TRPC5: variants seen among roughly 807,000 people sequenced by gnomAD.
The protein encoded by TRPC5 is short transient receptor potential channel 5.
Under a neutral mutation model 56.5 loss-of-function variants are expected in TRPC5, and 9 were observed. The ratio of observed to expected loss-of-function variants is 0.16; its 90% confidence interval spans 0.10 to 0.28. The LOEUF is 0.28. Ranked by LOEUF, TRPC5 falls within the 10% of genes least tolerant of loss-of-function variation. The pLI is 1.00. For synonymous variants in TRPC5, 282 were observed against 278.5 expected, an observed-to-expected ratio of 1.01 and a Z score of -0.13; for missense variants, 469 against 748.9, an observed-to-expected ratio of 0.63 and a Z score of 4.36.
Position 112,077,412 on chromosome X carries a change from A to G in TRPC5, c.-22+4467T>C, listed in dbSNP as rs774166759. 4.4e-5 allele frequency among the ~76,000 whole-genome samples: 5 copies of G among 112,607 alleles called. No individual in the cohort carries two copies. The South Asian group carries it at 1.5e-3, about 33-fold the overall frequency. ...AGTAGGTAATTGTTTATTTTCAAAT[A>G]TCTTTCAGATGCTTTTTGGATAAGC... On this transcript the variant is annotated intron_variant, in intron 1 of 10. Transcript: ENST00000262839.
chrX:111,902,183 TAAGACCC>T, intron 3 of TRPC5: 1 of 1,101,063 alleles, frequency 9.1e-7, no homozygotes, highest in Non-Finnish European at 1.2e-6. Flanking sequence ...AACAGGTGAC[TAAGACCC>T]AATTTCTGCC....
At chrX:111,837,115 A>C (rs1302258277) in intron 6 of TRPC5, among the ~76,000 whole-genome samples, 1 of 112,609 alleles carries the variant, frequency 8.9e-6, no homozygotes, top group African/African-American at 3.2e-5. Context: ...CTGGTGAAGC[A>C]GTTGAGAATC....
intron 3 of TRPC5, among the ~76,000 whole-genome samples, chrX:111,859,092 C>T (rs1234286092): frequency 3.6e-5 from 4 of 111,397 alleles, no homozygotes; most frequent in East Asian, 2.8e-4. Context: ...TAGTTGTCTG[C>T]GAAATGGCCA....
chrX:111,937,840 GT>G, intron 2 of TRPC5, among the ~76,000 whole-genome samples: 1 of 106,710 alleles, frequency 9.4e-6, no homozygotes, highest in African/African-American at 3.4e-5. Context: ...CTCTTTTTTG[GT>G]TCCATATGAA....
intron 1 of TRPC5, among the ~76,000 whole-genome samples, chrX:111,973,599 T>C (rs1358700043): frequency 8.9e-6 from 1 of 111,792 alleles, no homozygotes; most frequent in African/African-American, 3.2e-5. Flanking sequence ...GTTTCCACAG[T>C]GATTCTAATC....
intron 6 of TRPC5, among the ~76,000 whole-genome samples, chrX:111,836,852 A>T (rs753061064): frequency 1.8e-5 from 2 of 112,206 alleles, no homozygotes; most frequent in South Asian, 3.7e-4. Flanking sequence ...AATCCCATTG[A>T]CAATTTTGCA....
At chrX:111,970,158 G>A (rs1051401158) in intron 1 of TRPC5, among the ~76,000 whole-genome samples, 1 of 111,361 alleles carries the variant, frequency 9.0e-6, no homozygotes, top group African/African-American at 3.3e-5. Flanking sequence ...GACTGAGAAA[G>A]GCCATTCATT....
At chrX:111,906,850 CTA>C (rs1469011261) in intron 3 of TRPC5, among the ~76,000 whole-genome samples, 1 of 111,469 alleles carries the variant, frequency 9.0e-6, no homozygotes, top group Non-Finnish European at 1.9e-5. Flanking sequence ...AGGTATGGCA[CTA>C]GAGAGTGGAG....
At chrX:111,962,905 G>C (rs1927426050) in intron 1 of TRPC5, among the ~76,000 whole-genome samples, 1 of 112,053 alleles carries the variant, frequency 8.9e-6, no homozygotes. Context: ...GAGTGATGCA[G>C]AAGATGGGTG....
rs780128419 is a variant in TRPC5, at chrX:111,776,139, TAATA to T, written c.*170_*173del. On this transcript the variant is annotated 3_prime_UTR_variant, in exon 11 of 11. Transcript: ENST00000262839. Reference sequence around the variant, plus strand: ...AAAAGGCAAATAATAATGAAAGTAATAATAAAACAAGAACAAAAATGGAGAATGT... The same window carrying T: ...AAAAGGCAAATAATAATGAAAGTAATAAACAAGAACAAAAATGGAGAATGT... 1 of 433,701 alleles carries T rather than the reference TAATA, an allele frequency of 2.3e-6. No individual in the cohort carries two copies. Among genetic ancestry groups the T allele is most frequent in the East Asian group, 3.8e-5 (1 of 26,088 alleles). 35.7% of individuals were successfully genotyped at this position (433,701 alleles called of 1,213,427 possible). A position where few individuals can be genotyped will look rare whatever the true frequency, so the allele number is the denominator to read the frequency against.
chrX:111,951,915 A>T, intron 2 of TRPC5, 128 bp downstream of exon 2: 1 of 998,534 alleles, frequency 1.0e-6, no homozygotes, highest in Non-Finnish European at 1.3e-6. Flanking sequence ...GCTACCTGAG[A>T]TCACTGGTGC....
chrX:111,931,166 G>C (rs773766303), intron 2 of TRPC5: 1 of 111,820 alleles, frequency 8.9e-6, no homozygotes, highest in Non-Finnish European at 1.9e-5. Flanking sequence ...AAAAGTCTTT[G>C]TGTATTTGTG....
intron 1 of TRPC5, among the ~76,000 whole-genome samples, chrX:112,080,297 T>C (rs767817036): frequency 2.7e-5 from 3 of 110,342 alleles, no homozygotes; most frequent in Non-Finnish European, 3.8e-5. Flanking sequence ...CAGACGAACC[T>C]GGGTGCTTTG....
At chrX:111,856,231 T>A (rs1023875660) in intron 3 of TRPC5, among the ~76,000 whole-genome samples, 1 of 110,397 alleles carries the variant, frequency 9.1e-6, no homozygotes, top group African/African-American at 3.3e-5. Context: ...AAGACGATGG[T>A]CTTTGGCCAT....
intron 3 of TRPC5, among the ~76,000 whole-genome samples, chrX:111,866,989 G>A (rs1243262522): frequency 8.9e-6 from 1 of 112,092 alleles, no homozygotes; most frequent in East Asian, 2.8e-4. Flanking sequence ...CTGTGGGAGA[G>A]GGTCATCGCA....
intron 1 of TRPC5, among the ~76,000 whole-genome samples, chrX:112,057,314 CG>C (rs1312368006): frequency 3.2e-5 from 3 of 94,560 alleles, no homozygotes; most frequent in Non-Finnish European, 3.9e-5. Flanking sequence ...CTATGTGACC[CG>C]GGAAAAATGA....
chrX:111,929,133 G>A (rs890231624), intron 2 of TRPC5, among the ~76,000 whole-genome samples: 2 of 112,145 alleles, frequency 1.8e-5, no homozygotes, highest in Admixed American at 1.9e-4. Context: ...AGTGCACTCA[G>A]CTCTTGCAGG....
At chrX:111,921,012 A>G (rs1185537432) in intron 2 of TRPC5, among the ~76,000 whole-genome samples, 1 of 112,164 alleles carries the variant, frequency 8.9e-6, no homozygotes, top group African/African-American at 3.2e-5. Context: ...ATAAATTGTA[A>G]TGCAACTATT....
chrX:111,990,477 G>T (rs1202352202), intron 1 of TRPC5, among the ~76,000 whole-genome samples: 1 of 111,081 alleles, frequency 9.0e-6, no homozygotes, highest in Non-Finnish European at 1.9e-5. Context: ...GTAGTGAAAG[G>T]TTGCAACAGT....
Sources: gnomAD v4.1 joint callset for allele counts (sites outside exome capture counted in the v4.1 genomes callset) on GRCh38, gnomAD v4.1.1 for gene constraint, MANE v1.5 for transcripts, NCBI Gene and HGNC (gene_info 2026-07-23, HGNC 2026-07-21) for gene names.